Variants in DCAF6 observed in about 807,000 individuals in gnomAD.
The protein encoded by DCAF6 is DDB1 and CUL4 associated factor 6, also known as DDB1- and CUL4-associated factor 6.
DCAF6 carries 54 observed loss-of-function variants against 125.1 expected under a neutral mutation model. That is an observed-to-expected ratio of 0.43 (90% CI 0.35 to 0.54). The LOEUF is 0.54. Ranked by LOEUF, DCAF6 falls within the 20% of genes least tolerant of loss-of-function variation. DCAF6 has a pLI of 0.01. For missense variants in DCAF6, 934 were observed against 1,161.7 expected, an observed-to-expected ratio of 0.80 and a Z score of 2.85; for synonymous variants, 371 against 390.4, an observed-to-expected ratio of 0.95 and a Z score of 0.58.
chr1:167,943,742 T>G (rs184509314), intron 1 of DCAF6, among the ~76,000 whole-genome samples: 3 of 152,342 alleles, frequency 2.0e-5, no homozygotes, highest in East Asian at 1.9e-4. Flanking sequence ...AGAACACACT[T>G]ATGAGTCAGA....
rs1294669693 is a variant in DCAF6, at chr1:168,015,828, C to CA, written c.1428dup (p.Leu477ThrfsTer4). ...AGCTTTGCTTCGTAAGCGCCTGCAACAACTGAGGCTTAAGAAGGCTGAGCA... is the reference window on the plus strand; with the variant it reads ...AGCTTTGCTTCGTAAGCGCCTGCAACAAACTGAGGCTTAAGAAGGCTGAGCA... On this transcript the variant is annotated frameshift_variant, in exon 11 of 22. Transcript: ENST00000367840. LOFTEE classifies it high-confidence loss of function. The CA allele has an allele frequency of 6.5e-7, 1 of 1,535,576 alleles. No individual in the cohort carries two copies. Among genetic ancestry groups the CA allele is most frequent in the Non-Finnish European group, 8.8e-7 (1 of 1,139,324 alleles).
At chr1:167,953,066 T>A (rs1306059872) in intron 2 of DCAF6, among the ~76,000 whole-genome samples, 2 of 152,352 alleles carry the variant, frequency 1.3e-5, no homozygotes, top group Non-Finnish European at 2.9e-5. Context: ...CATTTTCTTA[T>A]ATAACCAAAA....
At chr1:167,904,606 C>A in the DCAF6 span, 1 of 505,304 alleles carries the variant, frequency 2.0e-6, no homozygotes, top group Non-Finnish European at 3.5e-6. Flanking sequence ...ATTTCAAACA[C>A]TTCTGAAGAG....
At chr1:167,952,471 C>T (rs1458782516) in intron 2 of DCAF6, among the ~76,000 whole-genome samples, 2 of 152,190 alleles carry the variant, frequency 1.3e-5, no homozygotes, top group Non-Finnish European at 2.9e-5. Context: ...CTGCCTCAGC[C>T]TCCCAAAGTG....
the DCAF6 span, among the ~76,000 whole-genome samples, chr1:167,875,884 G>C: frequency 6.6e-6 from 1 of 151,462 alleles, no homozygotes; most frequent in Non-Finnish European, 1.5e-5. Context: ...ACCCGGGAGG[G>C]GGAGCTTGCA....
chr1:168,075,324 A>G, intron 21 of DCAF6, 47 bp from the exon 22 acceptor site: 1 of 1,519,226 alleles, frequency 6.6e-7, no homozygotes, highest in South Asian at 1.3e-5. Flanking sequence ...AATAATTGTA[A>G]TTACTAAAAG....
At chr1:167,946,089 T>A (rs1673043224) in intron 1 of DCAF6, among the ~76,000 whole-genome samples, 1 of 151,624 alleles carries the variant, frequency 6.6e-6, no homozygotes, top group African/African-American at 2.4e-5. Flanking sequence ...CCCGAGTAGC[T>A]GGGATTACAG....
At chr1:167,895,495 AGATGTTTCT>A in the DCAF6 span, among the ~76,000 whole-genome samples, 2 of 152,258 alleles carry the variant, frequency 1.3e-5, no homozygotes, top group South Asian at 2.1e-4. Context: ...AATGATTCAA[AGATGTTTCT>A]GATGTTTCTC....
At chr1:168,023,372 T>A (rs1306302904) in intron 12 of DCAF6, 1 of 390,440 alleles carries the variant, frequency 2.6e-6, no homozygotes, top group Admixed American at 3.8e-5. Context: ...GAACTGTGGG[T>A]GTGAGGTTAA....
In DCAF6 at chr1:167,992,481, G is replaced by A. The variant is rs556919764; in HGVS notation, c.689-745G>A. On this transcript the variant is annotated intron_variant, in intron 6 of 21. Coordinates refer to ENST00000367840, the MANE Select transcript of DCAF6 (RefSeq NM_001198956.2). ...AAGTCACATATCTAATAATAATTGA[G>A]GAGTCCAGTCTATTTGGATATGTAC... Among the ~76,000 whole-genome samples the A allele has an allele frequency of 2.6e-5, 4 of 152,170 alleles. No homozygotes were observed. The East Asian group carries it at 5.8e-4, about 22-fold the overall frequency.
the DCAF6 span, among the ~76,000 whole-genome samples, chr1:167,927,841 A>G: frequency 6.6e-6 from 1 of 152,244 alleles, no homozygotes; most frequent in Non-Finnish European, 1.5e-5. Flanking sequence ...ACCTGGACCA[A>G]GAGAGGTATT....
chr1:167,955,602 T>G (rs1674656744), intron 2 of DCAF6, among the ~76,000 whole-genome samples: 1 of 152,130 alleles, frequency 6.6e-6, no homozygotes, highest in African/African-American at 2.4e-5. Context: ...TAAGATTTTA[T>G]AGGATATTCT....
intron 11 of DCAF6, among the ~76,000 whole-genome samples, chr1:168,016,865 C>T (rs1424499563): frequency 6.6e-6 from 1 of 151,970 alleles, no homozygotes; most frequent in East Asian, 1.9e-4. Context: ...TTCTGCTACC[C>T]TAAAGAGTGA....
chr1:167,901,691 T>G, the DCAF6 span: 1 of 1,614,192 alleles, frequency 6.2e-7, no homozygotes, highest in Non-Finnish European at 8.5e-7. Context: ...TAGGCCTTCT[T>G]CCCACTCCTG....
At chr1:167,898,825 C>T in the DCAF6 span, among the ~76,000 whole-genome samples, 1 of 152,150 alleles carries the variant, frequency 6.6e-6, no homozygotes, top group Non-Finnish European at 1.5e-5. Flanking sequence ...ATTCCTTTGG[C>T]TCATCTAGCA....
the DCAF6 span, among the ~76,000 whole-genome samples, chr1:167,916,477 G>A: frequency 6.6e-6 from 1 of 152,132 alleles, no homozygotes; most frequent in South Asian, 2.1e-4. Context: ...AAAGTGCTCG[G>A]ATTACAGGCG....
Position 168,072,294 on chromosome 1 carries a change from T to TAAAAAAA in DCAF6, c.2792-3052_2792-3046dup, listed in dbSNP as rs59674650. On this transcript the variant is annotated intron_variant, in intron 21 of 21. Transcript: ENST00000367840. ...CCTGGTGACAGAGGGAGAATCAGTC[T>TAAAAAAA]AAAAAAAAAAAAAAAAAAAAAAAAA... Among the ~76,000 whole-genome samples the TAAAAAAA allele has an allele frequency of 4.1e-3, 167 of 41,012 alleles. 5 individuals carry two copies. Among genetic ancestry groups the TAAAAAAA allele is most frequent in the African/African-American group, 9.2e-3 (112 of 12,230 alleles). 26.9% of individuals were successfully genotyped at this position (41,012 alleles called of 152,430 possible). A position where few individuals can be genotyped will look rare whatever the true frequency, so the allele number is the denominator to read the frequency against.
At chr1:167,899,539 G>A in the DCAF6 span, 14 of 1,614,184 alleles carry the variant, frequency 8.7e-6, no homozygotes, top group Admixed American at 1.7e-5. Flanking sequence ...TGGGCAAGGC[G>A]CACATCGTCC....
intron 4 of DCAF6, among the ~76,000 whole-genome samples, chr1:167,981,290 G>A (rs974902560): frequency 1.1e-4 from 16 of 152,296 alleles, no homozygotes; most frequent in African/African-American, 3.1e-4. Flanking sequence ...TTTTGCATAT[G>A]TAGGGTAAGG....
Sources: gnomAD v4.1 joint callset for allele counts (sites outside exome capture counted in the v4.1 genomes callset) on GRCh38, gnomAD v4.1.1 for gene constraint, MANE v1.5 for transcripts, NCBI Gene and HGNC (gene_info 2026-07-23, HGNC 2026-07-21) for gene names.